PRRC2B: variants seen among roughly 807,000 people sequenced by gnomAD.
The protein encoded by PRRC2B is proline rich coiled-coil 2B.
A neutral mutation model predicts 242.3 loss-of-function variants in PRRC2B; 68 were observed. The observed-to-expected ratio is 0.28, with a 90% CI of 0.23 to 0.34. The LOEUF (loss-of-function observed/expected upper bound fraction) is 0.34. PRRC2B is among the 10% of genes least tolerant of loss of function. The pLI, the probability that PRRC2B is intolerant of heterozygous loss-of-function variation, is 1.00. For synonymous variants in PRRC2B, 1,228 were observed against 1,173.6 expected, an observed-to-expected ratio of 1.05 and a Z score of -0.95; for missense variants, 2,835 against 2,954.8, an observed-to-expected ratio of 0.96 and a Z score of 0.94.
rs1165320500 is a variant in PRRC2B at position 131,467,569 on chromosome 9, C to T, written c.1727C>T (p.Pro576Leu). The change falls in exon 13 of 32, where the codon CCA (proline) becomes CTA (leucine). Residue 576 changes from proline (P) to leucine (L), a missense_variant. By Grantham distance (98) the Pro-to-Leu change is moderately conservative. Coordinates refer to ENST00000683519, the MANE Select transcript of PRRC2B (RefSeq NM_013318.4). Reference sequence around the variant, plus strand: ...CTGCTGGTATATTCTCTAGGCTCCCCAGAATTCCCTGCCCAAGAGACCCCC... The same window carrying T: ...CTGCTGGTATATTCTCTAGGCTCCCTAGAATTCCCTGCCCAAGAGACCCCC... The part of the protein sequence containing the change: ...ENGPAVHKGS[P>L]EFPAQETPTT... The T allele has an allele frequency of 2.5e-6, 4 of 1,603,492 alleles. No homozygotes were observed. The Admixed American group carries it at 5.1e-5, about 21-fold the overall frequency.
chr9:131,446,561 T>G lies in PRRC2B; in HGVS notation c.774T>G (p.Ala258=). The part of the protein sequence containing the change: ...SDSKDPSLRP[A]QPVRKGASQF... Reference sequence around the variant, plus strand: ...CTAAGGACCCCTCTCTCCGCCCGGCTCAGCCTGTCCGAAAAGGGGCTTCAC... The same window carrying G: ...CTAAGGACCCCTCTCTCCGCCCGGCGCAGCCTGTCCGAAAAGGGGCTTCAC... The change falls in exon 7 of 32, where the codon GCT becomes GCG. Residue 258 remains alanine (A), a synonymous_variant. Coordinates refer to ENST00000683519, the MANE Select transcript of PRRC2B (RefSeq NM_013318.4). The surrounding 1 kb of genome is among the most constrained non-coding windows in gnomAD (Gnocchi z 4.1). 2 of 1,613,972 alleles carry G rather than the reference T, an allele frequency of 1.2e-6. No individual in the cohort carries two copies. Among genetic ancestry groups the G allele is most frequent in the Non-Finnish European group, 8.5e-7 (1 of 1,179,874 alleles).
At chr9:131,443,164 C>T (rs1393397055) in intron 5 of PRRC2B, among the ~76,000 whole-genome samples, 23 of 149,712 alleles carry the variant, frequency 1.5e-4, no homozygotes, top group Admixed American at 7.3e-4. Flanking sequence ...GACGGAATCT[C>T]GCTCTGTTGC....
intron 12 of PRRC2B, among the ~76,000 whole-genome samples, chr9:131,465,350 C>G (rs1413305428): frequency 6.6e-6 from 1 of 152,102 alleles, no homozygotes; most frequent in African/African-American, 2.4e-5. Context: ...TCCTATCACC[C>G]AGGTACTGAG....
chr9:131,473,013 C>A lies in PRRC2B; in HGVS notation c.2108-495C>A, dbSNP rs1356901963. Among the ~76,000 whole-genome samples, 3 of 152,168 alleles carry A rather than the reference C, an allele frequency of 2.0e-5. No individual in the cohort carries two copies. In the South Asian group the frequency reaches 6.2e-4, roughly 32 times the overall value. ...AAATCTGAAGTCTTTGTCCCTTAAA[C>A]CTCCATGAAAGTAAGCATGTGAGTC... On this transcript the variant is annotated intron_variant, in intron 14 of 31. Coordinates refer to ENST00000683519, the MANE Select transcript of PRRC2B (RefSeq NM_013318.4).
chr9:131,412,299 C>T (rs1421568916), intron 1 of PRRC2B, among the ~76,000 whole-genome samples: 1 of 152,120 alleles, frequency 6.6e-6, no homozygotes, highest in East Asian at 1.9e-4. Context: ...TCTTTTGTGT[C>T]TGTCTCCTTT....
intron 1 of PRRC2B, among the ~76,000 whole-genome samples, chr9:131,413,044 A>G (rs1039761217): frequency 2.0e-5 from 3 of 152,250 alleles, no homozygotes; most frequent in African/African-American, 4.8e-5. Context: ...GACCTGTGCT[A>G]ACATTCTTAA....
intron 1 of PRRC2B, among the ~76,000 whole-genome samples, chr9:131,394,645 G>A (rs1344313863): frequency 8.6e-5 from 13 of 151,240 alleles, no homozygotes; most frequent in Non-Finnish European, 1.3e-4. Context: ...GCCCGCAGCC[G>A]GGTCTCGGGG....
rs549095066 is a variant in PRRC2B at position 131,494,885 on chromosome 9, G to A, written c.6555+399G>A. Among the ~76,000 whole-genome samples, 52 of 152,300 alleles carry A rather than the reference G, an allele frequency of 3.4e-4. No individual in the cohort carries two copies. In the Middle Eastern group the frequency reaches 0.01, roughly 30 times the overall value. On this transcript the variant is annotated intron_variant, in intron 31 of 31. Coordinates refer to ENST00000683519, the MANE Select transcript of PRRC2B (RefSeq NM_013318.4). The surrounding 1 kb of genome is among the most constrained non-coding windows in gnomAD (Gnocchi z 4.3). ...TCATCTTTGTCTTGGCTGGGTGGGA[G>A]CACAGGTGAAATTAAGTTTTCCCAT...
intron 2 of PRRC2B, among the ~76,000 whole-genome samples, chr9:131,430,520 TAGATAG>T (rs1838114274): frequency 1.3e-5 from 2 of 148,700 alleles, no homozygotes; most frequent in African/African-American, 2.5e-5. Flanking sequence ...TATAGATAGA[TAGATAG>T]ATATCTATCT....
intron 10 of PRRC2B, among the ~76,000 whole-genome samples, chr9:131,455,548 A>C (rs1588261789): frequency 8.5e-6 from 1 of 117,144 alleles, no homozygotes; most frequent in African/African-American, 3.4e-5. Context: ...ACAGGCTCTC[A>C]CTCTGTCACC....
intron 1 of PRRC2B, among the ~76,000 whole-genome samples, chr9:131,412,175 A>G (rs1358849950): frequency 2.6e-5 from 4 of 152,168 alleles, no homozygotes; most frequent in African/African-American, 7.2e-5. Context: ...GACCGTCTCT[A>G]TCTTGATGGG....
At chr9:131,405,988 A>G (rs1837350382) in intron 1 of PRRC2B, among the ~76,000 whole-genome samples, 1 of 152,150 alleles carries the variant, frequency 6.6e-6, no homozygotes, top group African/African-American at 2.4e-5. Context: ...GACCTGGGAA[A>G]GGATTCAGAG....
At chr9:131,479,143 G>A in intron 18 of PRRC2B, 109 bp from the exon 19 acceptor site, 5 of 1,132,852 alleles carry the variant, frequency 4.4e-6, no homozygotes, top group Non-Finnish European at 6.4e-6. Context: ...ACACATCTCT[G>A]GAGCATTTTC....
At chr9:131,400,123 G>A (rs1188835840) in intron 1 of PRRC2B, among the ~76,000 whole-genome samples, 2 of 151,882 alleles carry the variant, frequency 1.3e-5, no homozygotes, top group East Asian at 1.9e-4. Flanking sequence ...TCACTTTGTC[G>A]CCCAGTCTGG....
rs1369008498 is a variant in PRRC2B at position 131,447,120 on chromosome 9, A to C, written c.891A>C (p.Thr297=). Residue 297 remains threonine (T), a synonymous_variant, in exon 8 of 32, where the codon ACA becomes ACC. Transcript: ENST00000683519. ...CGAAGTCATCAGAAAACCAGGGTAC[A>C]GTGGAACGAGGCTCTTTTCCCCTTC... The part of the protein sequence containing the change: ...CSPKSSENQG[T]VERGSFPLPQ... 1 of 1,613,946 alleles carries C rather than the reference A, an allele frequency of 6.2e-7. No individual in the cohort carries two copies. The highest frequency in any genetic ancestry group is 8.5e-7 in the Non-Finnish European group (1 of 1,179,902).
At chr9:131,444,099 A>T in intron 5 of PRRC2B, 86 bp from the exon 6 acceptor site, 1 of 1,499,648 alleles carries the variant, frequency 6.7e-7, no homozygotes. Context: ...CTTCCAGGCA[A>T]CACGGCTTTC....
In PRRC2B at chr9:131,487,060, G is replaced by T; in HGVS notation, c.5857-107G>T. 1.1e-6 allele frequency: 1 copy of T among 937,034 alleles called. No individual in the cohort carries two copies. Among genetic ancestry groups the T allele is most frequent in the Non-Finnish European group, 1.7e-6 (1 of 598,734 alleles). 58.0% of individuals were successfully genotyped at this position (937,034 alleles called of 1,614,324 possible). A position where few individuals can be genotyped will look rare whatever the true frequency, so the allele number is the denominator to read the frequency against. The stretch of plus-strand genomic sequence containing the variant: ...ATGACATGCTGGCATTTGAATTTTG[G>T]GCAGTGTTCCAGCAGCCATGTGGAG... On this transcript the variant is annotated intron_variant, in intron 26 of 31. Transcript: ENST00000683519. The surrounding 1 kb of genome is among the most constrained non-coding windows in gnomAD (Gnocchi z 5.3).
chr9:131,392,103 CTTT>C (rs937351420), upstream of PRRC2B, among the ~76,000 whole-genome samples: 2 of 139,162 alleles, frequency 1.4e-5, no homozygotes, highest in African/African-American at 2.6e-5. Flanking sequence ...TATTTTCTTT[CTTT>C]TTTTTTTTTT....
Position 131,494,676 on chromosome 9 carries a change from C to T in PRRC2B, c.6555+190C>T, listed in dbSNP as rs1275231216. ...CTGGCGAAGGCATTTCTCCTCTTGA[C>T]GGGCGTCTGGATCCTTCCTTGTCCT... On this transcript the variant is annotated intron_variant, in intron 31 of 31. Transcript: ENST00000683519. The surrounding 1 kb of genome is among the most constrained non-coding windows in gnomAD (Gnocchi z 4.3). 2.6e-5 allele frequency among the ~76,000 whole-genome samples: 4 copies of T among 152,188 alleles called. No individual in the cohort carries two copies. The highest frequency in any genetic ancestry group is 4.4e-5 in the Non-Finnish European group (3 of 68,026).
Sources: allele counts gnomAD v4.1 joint callset (sites outside exome capture counted in the v4.1 genomes callset), GRCh38; gene constraint gnomAD v4.1.1; non-coding constraint Gnocchi (gnomAD v3.1); transcripts MANE v1.5; gene names NCBI Gene and HGNC (gene_info 2026-07-23, HGNC 2026-07-21).